The following BABAM2 variants were observed in gnomAD, a reference collection of about 807,000 sequenced individuals.
The protein encoded by BABAM2 is BRISC and BRCA1-A complex member 2.
In BABAM2, 31 loss-of-function variants were observed where a neutral mutation model predicts 54.7. That is an observed-to-expected ratio of 0.57 (90% CI 0.43 to 0.77). The LOEUF (loss-of-function observed/expected upper bound fraction) is 0.77, where lower values mean the gene tolerates loss of function less well. Ranked by LOEUF, BABAM2 falls within the 30% of genes least tolerant of loss-of-function variation. The pLI is 0.00. For missense variants in BABAM2, 364 were observed against 455.8 expected (o/e 0.80, Z 1.83); for synonymous variants, 167 against 162.9 (o/e 1.03, Z -0.19).
chr2:27,999,420 T>C (rs1332529155), intron 4 of BABAM2, among the ~76,000 whole-genome samples: 1 of 152,126 alleles, frequency 6.6e-6, no homozygotes, highest in Non-Finnish European at 1.5e-5. Context: ...GATGGCATAT[T>C]GGAAGCACTG....
At position 27,924,392 on chromosome 2, in the gene BABAM2, C is replaced by CT. The variant is rs112036195; in HGVS notation, c.129-5429dup. On this transcript the variant is annotated intron_variant, in intron 2 of 11. Coordinates refer to ENST00000379624, the MANE Select transcript of BABAM2 (RefSeq NM_199191.3). ...AGGAAAGCTCTTTTAAACCCATGCT[C>CT]TTTTTTTTTTTAGGCAGAGTCTCGC... 3.6e-3 allele frequency among the ~76,000 whole-genome samples: 529 copies of CT among 145,568 alleles called. 5 individuals are homozygous for CT. The highest frequency in any genetic ancestry group is 4.4e-3 in the Non-Finnish European group (286 of 65,446).
chr2:28,085,246 A>G (rs929924807), intron 6 of BABAM2, among the ~76,000 whole-genome samples: 1 of 152,220 alleles, frequency 6.6e-6, no homozygotes, highest in African/African-American at 2.4e-5. Context: ...TAAGGTGCAT[A>G]TTAAGCTTTA....
chr2:28,158,668 T>A (rs1672777845), intron 7 of BABAM2, among the ~76,000 whole-genome samples: 1 of 152,248 alleles, frequency 6.6e-6, no homozygotes, highest in African/African-American at 2.4e-5. Context: ...ATTCCTTCTT[T>A]CAGCATTATA....
intron 10 of BABAM2, among the ~76,000 whole-genome samples, chr2:28,245,652 G>A (rs62139143): frequency 0.24 from 36,811 of 152,000 alleles, 5,634 homozygotes; most frequent in Non-Finnish European, 0.35. Context: ...TACGTACAAT[G>A]TTCAGTCTTC....
chr2:28,032,121 A>G (rs1286341469), intron 5 of BABAM2, among the ~76,000 whole-genome samples: 2 of 152,206 alleles, frequency 1.3e-5, no homozygotes, highest in Non-Finnish European at 2.9e-5. Context: ...AATGCTTGCT[A>G]TAAAGAATCT....
At chr2:27,929,798 T>C in intron 2 of BABAM2, 34 bp from the exon 3 acceptor site, 1 of 1,588,342 alleles carries the variant, frequency 6.3e-7, no homozygotes, top group Non-Finnish European at 8.6e-7. Context: ...TTTTAAAAAA[T>C]CTTTTCTTTC....
intron 7 of BABAM2, among the ~76,000 whole-genome samples, chr2:28,175,031 A>G (rs1674768795): frequency 1.3e-5 from 2 of 152,056 alleles, no homozygotes; most frequent in African/African-American, 4.8e-5. Context: ...CCCAAAACCT[A>G]TCTGCCTAAA....
intron 7 of BABAM2, among the ~76,000 whole-genome samples, chr2:28,211,423 T>TGAGAAAGA (rs1450695496): frequency 4.0e-5 from 6 of 148,194 alleles, no homozygotes; most frequent in Non-Finnish European, 7.4e-5. Flanking sequence ...GTTTCGCTCT[T>TGAGAAAGA]GTTGCCCAGG....
At chr2:28,247,603 A>G (rs556869426) in intron 10 of BABAM2, among the ~76,000 whole-genome samples, 1 of 152,192 alleles carries the variant, frequency 6.6e-6, no homozygotes, top group South Asian at 2.1e-4. Flanking sequence ...GGAGGAAGGA[A>G]GTGCCTGGAA....
At chr2:28,014,606 T>C (rs371322914) in intron 4 of BABAM2, among the ~76,000 whole-genome samples, 1 of 151,508 alleles carries the variant, frequency 6.6e-6, no homozygotes. Flanking sequence ...TCTTTCTTTT[T>C]CTTTTTTTTT....
intron 7 of BABAM2, among the ~76,000 whole-genome samples, chr2:28,148,760 T>G (rs906011019): frequency 3.3e-5 from 5 of 152,202 alleles, no homozygotes. Flanking sequence ...GATCGTTACC[T>G]GGAACAGCAC....
Position 27,995,496 on chromosome 2 carries a change from G to A in BABAM2, c.300+7409G>A, listed in dbSNP as rs893475238. Among the ~76,000 whole-genome samples, 1 of 152,122 alleles carries A rather than the reference G, an allele frequency of 6.6e-6. No individual in the cohort carries two copies. The highest frequency in any genetic ancestry group is 6.5e-5 in the Admixed American group (1 of 15,272). On this transcript the variant is annotated intron_variant, in intron 4 of 11. Transcript: ENST00000379624. This position sits in a 1 kb window ranked among gnomAD's most constrained non-coding sequence, Gnocchi z 4.1. ...CTTTGGGAGATGAGAGGCAATAAAT[G>A]AATGAATAGCACAACTAGATAATGG... is the stretch of plus-strand genomic sequence containing the variant.
chr2:28,332,973 C>G (rs377130105), intron 11 of BABAM2, among the ~76,000 whole-genome samples: 32 of 152,276 alleles, frequency 2.1e-4, no homozygotes, highest in South Asian at 1.7e-3. Context: ...ATCCAAGGAG[C>G]CTCGGGAAAG....
intron 8 of BABAM2, among the ~76,000 whole-genome samples, chr2:28,240,870 C>CA (rs56247120): frequency 0.013 from 1,465 of 109,060 alleles, 32 homozygotes; most frequent in African/African-American, 0.044. Context: ...GACTCTGTCT[C>CA]AAAAAAAAAA....
chr2:28,184,769 G>A (rs1184441383), intron 7 of BABAM2, among the ~76,000 whole-genome samples: 1 of 152,094 alleles, frequency 6.6e-6, no homozygotes, highest in African/African-American at 2.4e-5. Flanking sequence ...TGTGAATAGT[G>A]CCACAATAAA....
chr2:27,967,668 CT>C, intron 3 of BABAM2, among the ~76,000 whole-genome samples: 1 of 152,252 alleles, frequency 6.6e-6, no homozygotes, highest in South Asian at 2.1e-4. Flanking sequence ...CGCTTTGGAA[CT>C]TCCTAGAGAC....
rs529040632 is a variant in BABAM2 at position 28,009,071 on chromosome 2, A to G, written c.301-16155A>G. On this transcript the variant is annotated intron_variant, in intron 4 of 11. Coordinates refer to ENST00000379624, the MANE Select transcript of BABAM2 (RefSeq NM_199191.3). ...TTGTATGTGAAGGTCTAGCGAGTTT[A>G]TATGAAATTATTTGGGCCTTCAATC... Among the ~76,000 whole-genome samples the G allele has an allele frequency of 2.0e-5, 3 of 152,296 alleles. No individual in the cohort carries two copies. In the East Asian group the frequency reaches 5.8e-4, roughly 29 times the overall value.
At chr2:28,049,762 T>C (rs1677865785) in intron 6 of BABAM2, among the ~76,000 whole-genome samples, 1 of 152,176 alleles carries the variant, frequency 6.6e-6, no homozygotes, top group Admixed American at 6.5e-5. Context: ...CAGTTCAGGG[T>C]GTCTAGACTT....
At chr2:28,110,651 T>A (rs1327207051) in intron 6 of BABAM2, among the ~76,000 whole-genome samples, 1 of 151,780 alleles carries the variant, frequency 6.6e-6, no homozygotes, top group Non-Finnish European at 1.5e-5. Flanking sequence ...TAAAATAAAA[T>A]AAAATAAAAA....
Sources: gnomAD v4.1 joint callset for allele counts (sites outside exome capture counted in the v4.1 genomes callset) on GRCh38, gnomAD v4.1.1 for gene constraint, Gnocchi (gnomAD v3.1) non-coding constraint, MANE v1.5 for transcripts, NCBI Gene and HGNC (gene_info 2026-07-23, HGNC 2026-07-21) for gene names.